PKP4: variants seen among roughly 807,000 people sequenced by gnomAD.
PKP4 encodes the protein plakophilin-4.
Under a neutral mutation model 145.1 loss-of-function variants are expected in PKP4, and 90 were observed. The observed-to-expected ratio is 0.62, with a 90% CI of 0.52 to 0.74. The LOEUF (loss-of-function observed/expected upper bound fraction) is 0.74. PKP4 is among the 30% of genes least tolerant of loss of function. The pLI, the probability that PKP4 is intolerant of heterozygous loss-of-function variation, is 0.00. For synonymous variants in PKP4, 563 were observed against 577.2 expected, an observed-to-expected ratio of 0.98 and a Z score of 0.35; for missense variants, 1,340 against 1,482.7, an observed-to-expected ratio of 0.90 and a Z score of 1.58.
intron 2 of PKP4, among the ~76,000 whole-genome samples, chr2:158,568,668 A>G (rs1484864355): frequency 2.6e-5 from 4 of 152,156 alleles, no homozygotes; most frequent in Non-Finnish European, 5.9e-5. Flanking sequence ...TTACTCAGTG[A>G]GTCACTGTTG....
intron 4 of PKP4, among the ~76,000 whole-genome samples, chr2:158,607,790 C>G (rs2050777758): frequency 6.6e-6 from 1 of 152,036 alleles, no homozygotes; most frequent in Non-Finnish European, 1.5e-5. Flanking sequence ...TGCATATAAT[C>G]ATGTGTTGAT....
intron 1 of PKP4, chr2:158,457,947 C>T (rs1053197605): frequency 2.0e-5 from 3 of 152,452 alleles, no homozygotes; most frequent in Non-Finnish European, 4.4e-5. Context: ...TGCGGCACCT[C>T]CCTGGCGGAT....
intron 11 of PKP4, among the ~76,000 whole-genome samples, chr2:158,646,590 T>A (rs2054853344): frequency 6.6e-6 from 1 of 152,210 alleles, no homozygotes; most frequent in African/African-American, 2.4e-5. Context: ...TTAACTGATG[T>A]TCAGTAATAT....
In PKP4 at chr2:158,624,989, ACTT is replaced by A. The variant is rs2052620677; in HGVS notation, c.718_720del (p.Ser240del). On this transcript the variant is annotated inframe_deletion, in exon 7 of 22. Transcript: ENST00000389759. ...GTCTCCTTCAAGGGGGTCTCTGAGA[ACTT>A]CTCTGGGTAGTGGATTTGGCTCTCC... 1 of 1,613,992 alleles carries A rather than the reference ACTT, an allele frequency of 6.2e-7. No homozygotes were observed. Among genetic ancestry groups the A allele is most frequent in the Non-Finnish European group, 8.5e-7 (1 of 1,179,968 alleles).
intron 2 of PKP4, among the ~76,000 whole-genome samples, chr2:158,565,821 T>C (rs762635055): frequency 1.3e-5 from 2 of 152,196 alleles, no homozygotes; most frequent in African/African-American, 2.4e-5. Context: ...CATTGATCTT[T>C]CTTAACCTTC....
intron 1 of PKP4, among the ~76,000 whole-genome samples, chr2:158,496,724 C>G (rs973577732): frequency 2.0e-5 from 3 of 151,678 alleles, no homozygotes; most frequent in Non-Finnish European, 4.4e-5. Context: ...GTCAGTGTCT[C>G]TCTTTCGCTC....
Position 158,628,117 on chromosome 2 carries a change from A to G in PKP4, c.1153+2690A>G, listed in dbSNP as rs2052995729. ...TGCCTCAGCCTCCCGAGTAGCTGGG[A>G]CTACAGGCGCCTGCCACCATGCACG... On this transcript the variant is annotated intron_variant, in intron 7 of 21. Coordinates refer to ENST00000389759, the MANE Select transcript of PKP4 (RefSeq NM_003628.6). Among the ~76,000 whole-genome samples the G allele has an allele frequency of 2.0e-5, 3 of 151,988 alleles. No individual in the cohort carries two copies. The South Asian group carries it at 6.2e-4, about 32-fold the overall frequency.
chr2:158,553,175 C>T (rs2045783795), intron 2 of PKP4, among the ~76,000 whole-genome samples: 1 of 152,164 alleles, frequency 6.6e-6, no homozygotes, highest in South Asian at 2.1e-4. Flanking sequence ...AAGGGGAAAC[C>T]TCTCAAGCAA....
chr2:158,580,290 C>G (rs2048226165), intron 3 of PKP4, among the ~76,000 whole-genome samples: 1 of 152,056 alleles, frequency 6.6e-6, no homozygotes, highest in Non-Finnish European at 1.5e-5. Context: ...TGGTTCCTGT[C>G]TGGTTCTCAG....
rs758536593 is a variant in PKP4 at position 158,634,033 on chromosome 2, G to A, written c.1343-37G>A. 8.3e-5 allele frequency: 96 copies of A among 1,158,938 alleles called. 3 individuals carry two copies. The South Asian group carries it at 1.2e-3, about 14-fold the overall frequency. The allele number at this position is 1,158,938 out of a possible 1,614,324, so 71.8% of individuals were successfully genotyped here. A position where few individuals can be genotyped will look rare whatever the true frequency, so the allele number is the denominator to read the frequency against. ...TTTAATTAAAGTGTGATCTCATGGA[G>A]AACATACTAATCTTTTTCAAAATGT... On this transcript the variant is annotated intron_variant, in intron 8 of 21. Transcript: ENST00000389759.
At chr2:158,632,143 A>T (rs964137483) in intron 8 of PKP4, among the ~76,000 whole-genome samples, 3 of 152,252 alleles carry the variant, frequency 2.0e-5, no homozygotes, top group Non-Finnish European at 4.4e-5. Flanking sequence ...ACCTTAGTAC[A>T]TTCTAATCAA....
chr2:158,471,850 T>G (rs924324411), intron 1 of PKP4, among the ~76,000 whole-genome samples: 7 of 152,238 alleles, frequency 4.6e-5, no homozygotes, highest in Admixed American at 3.9e-4. Context: ...TTCTGATTAT[T>G]GAAAAATTAA....
At chr2:158,673,640 T>A in intron 17 of PKP4, 37 bp from the exon 18 acceptor site, 1 of 1,459,328 alleles carries the variant, frequency 6.9e-7, no homozygotes, top group Non-Finnish European at 9.6e-7. Context: ...TGAGGCTGTG[T>A]CACCCACATT....
intron 4 of PKP4, among the ~76,000 whole-genome samples, chr2:158,620,140 A>G (rs1207396222): frequency 6.6e-6 from 1 of 152,188 alleles, no homozygotes; most frequent in Non-Finnish European, 1.5e-5. Flanking sequence ...AAGTTTGTTA[A>G]TAATATAAGG....
At chr2:158,534,289 A>T (rs1279428558) in intron 2 of PKP4, among the ~76,000 whole-genome samples, 1 of 152,236 alleles carries the variant, frequency 6.6e-6, no homozygotes, top group Non-Finnish European at 1.5e-5. Context: ...GGCATGAAAG[A>T]TTGCTCTATA....
At chr2:158,463,428 A>G (rs1366059434) in intron 1 of PKP4, among the ~76,000 whole-genome samples, 5 of 149,676 alleles carry the variant, frequency 3.3e-5, no homozygotes, top group South Asian at 4.2e-4. Flanking sequence ...AAAAAAAAAA[A>G]GGATATTTGA....
intron 3 of PKP4, among the ~76,000 whole-genome samples, chr2:158,597,394 T>C (rs2049845877): frequency 6.6e-6 from 1 of 152,248 alleles, no homozygotes; most frequent in South Asian, 2.1e-4. Context: ...CCTGGTTAGA[T>C]GCAGGTAGAA....
At chr2:158,667,936 C>T (rs1314215157) in intron 16 of PKP4, among the ~76,000 whole-genome samples, 1 of 152,172 alleles carries the variant, frequency 6.6e-6, no homozygotes, top group East Asian at 1.9e-4. Flanking sequence ...ATAATTTGGG[C>T]ATTTTTAATG....
chr2:158,552,896 G>A (rs1034312240), intron 2 of PKP4, among the ~76,000 whole-genome samples: 13 of 152,176 alleles, frequency 8.5e-5, no homozygotes, highest in African/African-American at 3.1e-4. Flanking sequence ...AAAAAAATGT[G>A]CCAGTAGACT....
Sources: gnomAD v4.1 joint callset for allele counts (sites outside exome capture counted in the v4.1 genomes callset) on GRCh38, gnomAD v4.1.1 for gene constraint, MANE v1.5 for transcripts, NCBI Gene and HGNC (gene_info 2026-07-23, HGNC 2026-07-21) for gene names.